Variants in ZNF528 observed in about 807,000 individuals in gnomAD.
ZNF528 encodes the protein zinc finger protein 528.
Under a neutral mutation model 13.3 loss-of-function variants are expected in ZNF528, and 9 were observed. The observed-to-expected ratio is 0.67, with a 90% CI of 0.41 to 1.18. ZNF528 has a LOEUF of 1.18. Among genes scored for constraint, ZNF528 ranks in the 50% most tolerant of loss-of-function variants. The probability of loss-of-function intolerance (pLI) is 0.01; values close to 1 mark genes in which losing one functional copy is unlikely to be tolerated. For synonymous variants in ZNF528, 264 were observed against 254.3 expected, an observed-to-expected ratio of 1.04 and a Z score of -0.36; for missense variants, 858 against 745.4, an observed-to-expected ratio of 1.15 and a Z score of -1.76.
At chr19:52,402,064 G>A (rs747434732) in intron 4 of ZNF528, 36 bp downstream of exon 4, 1 of 1,614,038 alleles carries the variant, frequency 6.2e-7, no homozygotes, top group South Asian at 1.1e-5. Flanking sequence ...TTCTGTCTCT[G>A]TTTCTTCCTG....
chr19:52,414,136 G>C (rs2058967967), intron 6 of ZNF528: 3 of 695,978 alleles, frequency 4.3e-6, no homozygotes, highest in Middle Eastern at 2.3e-4. Flanking sequence ...TACCTCTTCA[G>C]GGCACTGACC....
Position 52,416,424 on chromosome 19 carries a change from T to G in ZNF528, c.1572T>G (p.Asn524Lys), listed in dbSNP as rs776212215. ...CAGGAGAAAAGCCTTACAAATGTAA[T>G]CAATGTGGCAAGGTCTTTAATCAAG... ...IHTGEKPYKCNQCGKVFNQAS... is the reference protein window; with the variant it reads ...IHTGEKPYKCKQCGKVFNQAS... The change falls in exon 7 of 7, where the codon AAT (asparagine) becomes AAG (lysine). Residue 524 changes from asparagine to lysine, a missense_variant. By Grantham distance (94) the Asn-to-Lys change is moderately conservative. Coordinates refer to ENST00000360465, the MANE Select transcript of ZNF528 (RefSeq NM_032423.3). 3.7e-6 allele frequency: 6 copies of G among 1,614,132 alleles called. No homozygotes were observed. In the South Asian group the frequency reaches 6.6e-5, roughly 18 times the overall value.
At chr19:52,409,154 T>TA (rs756643483) in intron 6 of ZNF528, among the ~76,000 whole-genome samples, 1 of 152,176 alleles carries the variant, frequency 6.6e-6, no homozygotes, top group Non-Finnish European at 1.5e-5. Context: ...TATATAATCT[T>TA]ACAGAGTTTA....
rs142164365 is a variant in ZNF528, at chr19:52,416,346, T to G, written c.1494T>G (p.Cys498Trp). Residue 498 changes from cysteine (C) to tryptophan (W), a missense_variant, in exon 7 of 7, where the codon TGT (cysteine) becomes TGG (tryptophan). Coordinates refer to ENST00000360465, the MANE Select transcript of ZNF528 (RefSeq NM_032423.3). ...AGAAGCCTTACAAATGTAACAGATG[T>G]GGCAAGGTCTTCAGTCGCAGTTCAA... is the stretch of plus-strand genomic sequence containing the variant. ...TGEKPYKCNR[C>W]GKVFSRSSNL... The G allele has an allele frequency of 2.1e-5, 34 of 1,613,954 alleles. No individual in the cohort carries two copies. The highest frequency in any genetic ancestry group is 1.6e-4 in the Middle Eastern group (1 of 6,084).
In ZNF528 at chr19:52,415,998, A is replaced by G; in HGVS notation, c.1146A>G (p.Lys382=). ...TTCACACTGGAAGGAAACCTTACAA[A>G]TGTAAAGAATGTGACAAGGTCTTTG... The part of the protein sequence containing the change: ...QLIHTGRKPY[K]CKECDKVFGR... The change falls in exon 7 of 7, where the codon AAA becomes AAG. Residue 382 remains lysine, a synonymous_variant. Coordinates refer to ENST00000360465, the MANE Select transcript of ZNF528 (RefSeq NM_032423.3). The G allele has an allele frequency of 4.3e-6, 7 of 1,614,168 alleles. No individual in the cohort carries two copies. The highest frequency in any genetic ancestry group is 5.9e-6 in the Non-Finnish European group (7 of 1,180,030).
At chr19:52,403,127 T>G (rs2058814338) in intron 4 of ZNF528, among the ~76,000 whole-genome samples, 1 of 152,232 alleles carries the variant, frequency 6.6e-6, no homozygotes, top group Admixed American at 6.5e-5. Context: ...TTGGTACAAT[T>G]TATACATTTT....
chr19:52,404,758 G>A (rs2058834742), intron 4 of ZNF528, among the ~76,000 whole-genome samples: 2 of 151,330 alleles, frequency 1.3e-5, no homozygotes, highest in African/African-American at 4.9e-5. Context: ...CACCACACCT[G>A]GCTAATTTTT....
chr19:52,407,305 A>AT (rs2058870294), intron 6 of ZNF528, among the ~76,000 whole-genome samples: 1 of 151,836 alleles, frequency 6.6e-6, no homozygotes, highest in African/African-American at 2.4e-5. Flanking sequence ...TGCCTGGCTA[A>AT]TTTTTTGTAT....
Position 52,405,987 on chromosome 19 carries a change from A to G in ZNF528, c.96A>G (p.Leu32=), listed in dbSNP as rs137874809. ...WKCLDPAQRT[L]YRDVMLENYR... ...GCCTGGACCCTGCGCAGAGGACTTTATACAGGGACGTGATGTTGGAGAATT... is the reference window on the plus strand; with the variant it reads ...GCCTGGACCCTGCGCAGAGGACTTTGTACAGGGACGTGATGTTGGAGAATT... The change falls in exon 5 of 7, where the codon TTA becomes TTG. Residue 32 remains leucine (L), a synonymous_variant. Coordinates refer to ENST00000360465, the MANE Select transcript of ZNF528 (RefSeq NM_032423.3). The G allele has an allele frequency of 8.1e-6, 13 of 1,611,970 alleles. No homozygotes were observed. In the East Asian group the frequency reaches 2.9e-4, roughly 36 times the overall value.
At position 52,415,110 on chromosome 19, in the gene ZNF528, T is replaced by C; in HGVS notation, c.272-14T>C. 5.0e-6 allele frequency: 8 copies of C among 1,609,928 alleles called. No homozygotes were observed. The highest frequency in any genetic ancestry group is 6.8e-6 in the Non-Finnish European group (8 of 1,177,918). On this transcript the variant is annotated splice_polypyrimidine_tract_variant and intron_variant, in intron 6 of 6. Transcript: ENST00000360465. ...ATCATGGGTTGAAGTTCCACTTTTT[T>C]CTTTCTGTTTTAGAGAGGAGCTCTA... is the stretch of plus-strand genomic sequence containing the variant.
Position 52,416,557 on chromosome 19 carries a change from G to C in ZNF528, c.1705G>C (p.Ala569Pro), listed in dbSNP as rs574626212. Residue 569 changes from alanine to proline, a missense_variant, in exon 7 of 7, where the codon GCA becomes CCA. Transcript: ENST00000360465. ...GTGTTCAGGCCTTACTGCCCATCTTGCAATCCATACTGAAAAGAAATCTCA... is the reference window on the plus strand; with the variant it reads ...GTGTTCAGGCCTTACTGCCCATCTTCCAATCCATACTGAAAAGAAATCTCA... ...RGCSGLTAHL[A>P]IHTEKKSHEC... is the part of the protein sequence containing the mutation. 9 of 1,614,098 alleles carry C rather than the reference G, an allele frequency of 5.6e-6. No homozygotes were observed. The South Asian group carries it at 9.9e-5, about 18-fold the overall frequency.
chr19:52,413,034 G>A (rs1163180828), intron 6 of ZNF528: 1 of 152,226 alleles, frequency 6.6e-6, no homozygotes, highest in African/African-American at 2.4e-5. Flanking sequence ...GCAGTGGCAT[G>A]AGGAATCTGA....
chr19:52,413,812 G>A (rs543798291), intron 6 of ZNF528: 22 of 181,026 alleles, frequency 1.2e-4, no homozygotes, highest in African/African-American at 4.0e-4. Context: ...AGAACAGTAC[G>A]AACCAGACTC....
In ZNF528 at chr19:52,415,644, T is replaced by C. The variant is rs2058991088; in HGVS notation, c.792T>C (p.Thr264=). ...TTTCACAACATCAAAGAATTCATAC[T>C]GGAGAGAAGCCTTACAAATGTCATG... is the stretch of plus-strand genomic sequence containing the variant. ...SNLSQHQRIH[T]GEKPYKCHEC... is the part of the protein sequence containing the mutation. The change falls in exon 7 of 7, where the codon ACT becomes ACC. Residue 264 remains threonine, a synonymous_variant. Transcript: ENST00000360465. The C allele has an allele frequency of 6.2e-7, 1 of 1,614,072 alleles. No homozygotes were observed. The highest frequency in any genetic ancestry group is 1.3e-5 in the African/African-American group (1 of 74,940).
chr19:52,415,905 A>C lies in ZNF528; in HGVS notation c.1053A>C (p.Lys351Asn). Residue 351 changes from lysine (K) to asparagine (N), a missense_variant, in exon 7 of 7, where the codon AAA (lysine) becomes AAC (asparagine). By Grantham distance (94) the Lys-to-Asn change is moderately conservative. Coordinates refer to ENST00000360465, the MANE Select transcript of ZNF528 (RefSeq NM_032423.3). ...ATCAAACGGTTCATACTGGTGAGAAACCTTACAAATGTGAAGAATGTGGCA... is the reference window on the plus strand; with the variant it reads ...ATCAAACGGTTCATACTGGTGAGAACCCTTACAAATGTGAAGAATGTGGCA... ...AEHQTVHTGE[K>N]PYKCEECGKA... The C allele has an allele frequency of 6.2e-7, 1 of 1,613,966 alleles. No individual in the cohort carries two copies. Among genetic ancestry groups the C allele is most frequent in the Non-Finnish European group, 8.5e-7 (1 of 1,179,996 alleles).
intron 6 of ZNF528, 178 bp downstream of exon 6, chr19:52,406,821 G>A (rs2058862534): frequency 8.0e-6 from 6 of 749,240 alleles, no homozygotes; most frequent in Non-Finnish European, 1.2e-5. Flanking sequence ...ACAGCCATGA[G>A]CCACTGTACC....
At chr19:52,412,337 G>A (rs1207097597) in intron 6 of ZNF528, 2 of 152,220 alleles carry the variant, frequency 1.3e-5, no homozygotes, top group African/African-American at 2.4e-5. Context: ...GTGATGCCTT[G>A]CAAGTTAAGG....
Position 52,416,758 on chromosome 19 carries a change from T to G in ZNF528, c.*19T>G. On this transcript the variant is annotated 3_prime_UTR_variant, in exon 7 of 7. Coordinates refer to ENST00000360465, the MANE Select transcript of ZNF528 (RefSeq NM_032423.3). ...TTCATGAGAGTCCCTACAAACTGTA[T>G]GGCAAAACCATCATCATGAGTTCTA... 6.4e-7 allele frequency: 1 copy of G among 1,571,568 alleles called. No individual in the cohort carries two copies. The highest frequency in any genetic ancestry group is 8.7e-7 in the Non-Finnish European group (1 of 1,155,498).
chr19:52,410,960 A>G (rs1184313875), intron 6 of ZNF528, among the ~76,000 whole-genome samples: 1 of 152,172 alleles, frequency 6.6e-6, no homozygotes, highest in Non-Finnish European at 1.5e-5. Flanking sequence ...ACTGCTTTCT[A>G]TGGCCGTACA....
Sources: allele counts gnomAD v4.1 joint callset (sites outside exome capture counted in the v4.1 genomes callset), GRCh38; gene constraint gnomAD v4.1.1; transcripts MANE v1.5; gene names NCBI Gene and HGNC (gene_info 2026-07-23, HGNC 2026-07-21).